Variants in GALNT13 observed in about 807,000 individuals in gnomAD.
The protein encoded by GALNT13 is UDP-GalNAc:polypeptide N-acetylgalactosaminyltransferase 13.
A neutral mutation model predicts 64.2 loss-of-function variants in GALNT13; 28 were observed. The ratio of observed to expected loss-of-function variants is 0.44; its 90% CI spans 0.32 to 0.60. The LOEUF (loss-of-function observed/expected upper bound fraction) is 0.60, where lower values mean the gene tolerates loss of function less well. Among genes scored for constraint, GALNT13 ranks in the 20% least tolerant of loss-of-function variants. GALNT13 has a pLI of 0.05. For synonymous variants in GALNT13, 214 were observed against 224.6 expected (o/e 0.95, Z 0.42); for missense variants, 577 against 669.8 (o/e 0.86, Z 1.53).
intron 7 of GALNT13, among the ~76,000 whole-genome samples, chr2:154,253,054 T>C (rs1184842458): frequency 6.6e-6 from 1 of 152,188 alleles, no homozygotes. Context: ...ATAGATAATA[T>C]CTAAAATGTA....
chr2:154,410,483 C>A (rs1699743346), intron 11 of GALNT13, among the ~76,000 whole-genome samples: 1 of 151,824 alleles, frequency 6.6e-6, no homozygotes, highest in African/African-American at 2.4e-5. Flanking sequence ...ACATTCAAGG[C>A]AGGAATATCA....
the GALNT13 span, among the ~76,000 whole-genome samples, chr2:153,719,614 C>G: frequency 6.6e-6 from 1 of 152,110 alleles, no homozygotes; most frequent in Non-Finnish European, 1.5e-5. Flanking sequence ...GCACCGTGCA[C>G]GAGCCGAAGC....
At chr2:154,119,285 C>A (rs901553907) in intron 3 of GALNT13, among the ~76,000 whole-genome samples, 2 of 152,092 alleles carry the variant, frequency 1.3e-5, no homozygotes, top group Non-Finnish European at 2.9e-5. Flanking sequence ...AGGGTTTCTT[C>A]TAAGAAATAT....
At chr2:153,420,681 C>A in the GALNT13 span, 1 of 224,572 alleles carries the variant, frequency 4.5e-6, no homozygotes, top group East Asian at 1.1e-4. Flanking sequence ...TTAGTGTTCC[C>A]CTTCTTTTTC....
chr2:153,994,645 A>G (rs1309239789), intron 3 of GALNT13, among the ~76,000 whole-genome samples: 2 of 152,010 alleles, frequency 1.3e-5, no homozygotes, highest in East Asian at 3.9e-4. Flanking sequence ...TGTGGTTTTG[A>G]TTTGCATTTC....
chr2:153,303,230 A>G, the GALNT13 span, among the ~76,000 whole-genome samples: 1 of 151,758 alleles, frequency 6.6e-6, no homozygotes, highest in South Asian at 2.1e-4. Context: ...TCAGTGTTTT[A>G]TATTTTTTAG....
the GALNT13 span, among the ~76,000 whole-genome samples, chr2:153,856,098 G>T: frequency 1.3e-5 from 2 of 152,172 alleles, no homozygotes; most frequent in African/African-American, 4.8e-5. Context: ...GATTACAGAT[G>T]AATATGGAAT....
the GALNT13 span, among the ~76,000 whole-genome samples, chr2:153,650,909 A>G: frequency 6.6e-6 from 1 of 152,154 alleles, no homozygotes; most frequent in Non-Finnish European, 1.5e-5. Flanking sequence ...TCTTTTATAA[A>G]TAAACCTGTA....
chr2:153,786,167 A>T, the GALNT13 span, among the ~76,000 whole-genome samples: 1 of 152,146 alleles, frequency 6.6e-6, no homozygotes, highest in Non-Finnish European at 1.5e-5. Flanking sequence ...TCACCACTTC[A>T]ATCAGAGGCA....
At chr2:153,670,175 C>G in the GALNT13 span, among the ~76,000 whole-genome samples, 2 of 152,268 alleles carry the variant, frequency 1.3e-5, no homozygotes, top group East Asian at 1.9e-4. Flanking sequence ...GCCTGACAGC[C>G]CTGAAGAGAG....
chr2:153,785,043 C>G, the GALNT13 span, among the ~76,000 whole-genome samples: 1 of 152,036 alleles, frequency 6.6e-6, no homozygotes, highest in African/African-American at 2.4e-5. Context: ...TACAACCACC[C>G]TCATCAATTT....
At chr2:153,726,784 C>T in the GALNT13 span, among the ~76,000 whole-genome samples, 2 of 151,670 alleles carry the variant, frequency 1.3e-5, no homozygotes, top group South Asian at 4.2e-4. Context: ...CCTAAAAATA[C>T]AAAAAATTAG....
the GALNT13 span, among the ~76,000 whole-genome samples, chr2:153,301,310 A>AAAAAAAAAAAAAAAG: frequency 3.7e-5 from 2 of 53,448 alleles, 1 homozygote; most frequent in Admixed American, 3.5e-4. Flanking sequence ...ACTCCTTCTC[A>AAAAAAAAAAAAAAAG]AAAAAAAAGA....
chr2:153,472,070 A>G, the GALNT13 span, among the ~76,000 whole-genome samples: 1 of 152,194 alleles, frequency 6.6e-6, no homozygotes, highest in African/African-American at 2.4e-5. Context: ...ATCCTGCTCA[A>G]TTTATAGGAA....
chr2:153,899,468 T>C (rs1040493342), intron 1 of GALNT13, among the ~76,000 whole-genome samples: 2 of 152,186 alleles, frequency 1.3e-5, no homozygotes, highest in African/African-American at 4.8e-5. Context: ...AAATACAAAG[T>C]TTCTTGGGCA....
rs113378257 is a variant in GALNT13, at chr2:154,370,049, C to A, written c.1157-25942C>A. ...TGAATCCTATTGGATTGGAGCCCTG[C>A]CCTGAGATTTCATTTTTTAAATTTT... On this transcript the variant is annotated intron_variant, in intron 9 of 12. Transcript: ENST00000392825. 5.0e-3 allele frequency among the ~76,000 whole-genome samples: 767 copies of A among 152,106 alleles called. 6 individuals carry two copies. Among genetic ancestry groups the A allele is most frequent in the African/African-American group, 0.018 (731 of 41,482 alleles).
the GALNT13 span, among the ~76,000 whole-genome samples, chr2:153,649,402 T>G: frequency 6.6e-6 from 1 of 151,834 alleles, no homozygotes; most frequent in Non-Finnish European, 1.5e-5. Context: ...TTGTTGATCT[T>G]TTCAAAAAAC....
chr2:153,625,343 A>G, the GALNT13 span, among the ~76,000 whole-genome samples: 2 of 152,136 alleles, frequency 1.3e-5, no homozygotes, highest in African/African-American at 4.8e-5. Flanking sequence ...TGCATATGGT[A>G]CTGACTATAA....
chr2:153,947,897 A>G (rs1217536393), intron 3 of GALNT13, among the ~76,000 whole-genome samples: 1 of 152,102 alleles, frequency 6.6e-6, no homozygotes, highest in East Asian at 1.9e-4. Flanking sequence ...TTTTCTGCAT[A>G]TGCCTAGCCA....
Sources: gnomAD v4.1 joint callset for allele counts (sites outside exome capture counted in the v4.1 genomes callset) on GRCh38, gnomAD v4.1.1 for gene constraint, MANE v1.5 for transcripts, NCBI Gene and HGNC (gene_info 2026-07-23, HGNC 2026-07-21) for gene names.